The following SLC9A7 variants were observed in gnomAD, a reference collection of about 807,000 sequenced individuals.
The protein encoded by SLC9A7 is sodium/hydrogen exchanger 7.
Under a neutral mutation model 52.6 loss-of-function variants are expected in SLC9A7, and 19 were observed. That is an observed-to-expected ratio of 0.36 (90% CI 0.25 to 0.53). SLC9A7 has a LOEUF of 0.53. Ranked by LOEUF, SLC9A7 falls within the 20% of genes least tolerant of loss-of-function variation. SLC9A7 has a pLI of 0.91. For synonymous variants in SLC9A7, 226 were observed against 252.1 expected, an observed-to-expected ratio of 0.90 and a Z score of 0.98; for missense variants, 455 against 597.9, an observed-to-expected ratio of 0.76 and a Z score of 2.49.
At position 46,604,438 on chromosome X, in the gene SLC9A7, T is replaced by C. The variant is rs1356712476; in HGVS notation, c.*2514A>G. On this transcript the variant is annotated 3_prime_UTR_variant, in exon 17 of 17. Coordinates refer to ENST00000616978, the MANE Select transcript of SLC9A7 (RefSeq NM_001257291.2). ...GAATAAAAATCATTCAACTGTATTT[T>C]TTTTTTTTTTTTGAGGCAGGGTCTC... 2 of 110,519 alleles carry C rather than the reference T, an allele frequency of 1.8e-5. No homozygotes were observed. Among genetic ancestry groups the C allele is most frequent in the Non-Finnish European group, 3.8e-5 (2 of 52,718 alleles). The allele number at this position is 110,519 out of a possible 1,213,427, so 9.1% of individuals were successfully genotyped here. A position where few individuals can be genotyped will look rare whatever the true frequency, so the allele number is the denominator to read the frequency against.
intron 1 of SLC9A7, among the ~76,000 whole-genome samples, chrX:46,714,684 C>T (rs73493093): frequency 0.02 from 2,264 of 112,009 alleles, 52 homozygotes; most frequent in African/African-American, 0.069. Context: ...TGTCAGTGAA[C>T]GAAACAAATA....
chrX:46,689,476 A>G (rs1479218655), intron 1 of SLC9A7, among the ~76,000 whole-genome samples: 5 of 112,087 alleles, frequency 4.5e-5, no homozygotes, highest in Non-Finnish European at 9.4e-5. Context: ...AAGTTTTTAT[A>G]TGAACATGTT....
rs1375008561 is a variant in SLC9A7 at position 46,603,162 on chromosome X, T to C, written c.*3790A>G. On this transcript the variant is annotated 3_prime_UTR_variant, in exon 17 of 17. Transcript: ENST00000616978. ...ACTAGATTCTGGGCCCTCTCTTCCCTGGGTAGGACTTCTGGGTGGGCCTCC... is the reference window on the plus strand; with the variant it reads ...ACTAGATTCTGGGCCCTCTCTTCCCCGGGTAGGACTTCTGGGTGGGCCTCC... 9.0e-6 allele frequency: 1 copy of C among 110,863 alleles called. No individual in the cohort carries two copies. The highest frequency in any genetic ancestry group is 9.6e-5 in the Admixed American group (1 of 10,381). The allele number at this position is 110,863 out of a possible 1,213,427, so 9.1% of individuals were successfully genotyped here.
At chrX:46,611,499 A>G (rs1161814215) in intron 16 of SLC9A7, among the ~76,000 whole-genome samples, 1 of 112,521 alleles carries the variant, frequency 8.9e-6, no homozygotes, top group Non-Finnish European at 1.9e-5. Context: ...TATCTTTAAG[A>G]GAAAGACACA....
At position 46,728,790 on chromosome X, in the gene SLC9A7, A is replaced by G. The variant is rs773862558; in HGVS notation, c.325+29915T>C. 7.1e-5 allele frequency among the ~76,000 whole-genome samples: 8 copies of G among 112,800 alleles called. No individual in the cohort carries two copies. The South Asian group carries it at 2.5e-3, about 36-fold the overall frequency. On this transcript the variant is annotated intron_variant, in intron 1 of 16. Transcript: ENST00000616978. ...AAGTAAACTGTGATATATCCAGACA[A>G]TTGAATATTACTCAGCAATAAGAAA... is the stretch of plus-strand genomic sequence containing the variant.
At chrX:46,607,280 A>G (rs781326356) in intron 16 of SLC9A7, 77 bp from the exon 17 acceptor site, 23 of 1,059,383 alleles carry the variant, frequency 2.2e-5, no homozygotes, top group African/African-American at 1.9e-4. Flanking sequence ...CCCAATCCCA[A>G]TCCCAACTCC....
chrX:46,637,064 T>C (rs932025436), intron 12 of SLC9A7, among the ~76,000 whole-genome samples: 2 of 112,333 alleles, frequency 1.8e-5, no homozygotes, highest in Non-Finnish European at 3.8e-5. Context: ...AATGCTATGA[T>C]TAATACTATT....
chrX:46,662,472 T>C (rs1602197643), intron 6 of SLC9A7, 66 bp downstream of exon 6: 1 of 822,355 alleles, frequency 1.2e-6, no homozygotes, highest in East Asian at 3.2e-5. Flanking sequence ...GATAAGCCTC[T>C]GAATTTAGCC....
At chrX:46,744,787 A>AT (rs1921615573) in intron 1 of SLC9A7, among the ~76,000 whole-genome samples, 1 of 111,940 alleles carries the variant, frequency 8.9e-6, no homozygotes, top group African/African-American at 3.2e-5. Flanking sequence ...GGTAAAGAGC[A>AT]TTAGCAAAAT....
chrX:46,703,964 G>T (rs1944568507), intron 1 of SLC9A7, among the ~76,000 whole-genome samples: 1 of 111,678 alleles, frequency 9.0e-6, no homozygotes, highest in Admixed American at 9.5e-5. Context: ...TGTCACTGTT[G>T]ATCTATTTGC....
At chrX:46,689,907 G>A (rs1944358108) in intron 1 of SLC9A7, among the ~76,000 whole-genome samples, 1 of 111,191 alleles carries the variant, frequency 9.0e-6, no homozygotes, top group Non-Finnish European at 1.9e-5. Context: ...TGCTGAGAAT[G>A]ATGGCTTCCA....
At chrX:46,738,946 A>C (rs1258371288) in intron 1 of SLC9A7, among the ~76,000 whole-genome samples, 1 of 111,203 alleles carries the variant, frequency 9.0e-6, no homozygotes, top group Non-Finnish European at 1.9e-5. Context: ...AATACCTACC[A>C]TTGTGCCTAC....
At chrX:46,648,135 A>G (rs1018828658) in intron 11 of SLC9A7, among the ~76,000 whole-genome samples, 1 of 112,531 alleles carries the variant, frequency 8.9e-6, no homozygotes, top group African/African-American at 3.2e-5. Context: ...AGTGTCAATT[A>G]AGCAGGATGA....
chrX:46,701,590 A>G (rs1944532668), intron 1 of SLC9A7, among the ~76,000 whole-genome samples: 1 of 110,998 alleles, frequency 9.0e-6, no homozygotes. Context: ...CTGTCTCAAA[A>G]ACAAACAAAC....
intron 1 of SLC9A7, among the ~76,000 whole-genome samples, chrX:46,700,931 C>A (rs1944521758): frequency 9.0e-6 from 1 of 111,719 alleles, no homozygotes; most frequent in South Asian, 3.8e-4. Context: ...TCTTCCCACA[C>A]CACCATCAAA....
intron 16 of SLC9A7, among the ~76,000 whole-genome samples, chrX:46,608,951 C>T (rs987023412): frequency 1.8e-5 from 2 of 111,166 alleles, no homozygotes; most frequent in African/African-American, 3.3e-5. Flanking sequence ...CAGCCGGTAG[C>T]TTATGTCTCC....
rs1447492953 is a variant in SLC9A7 at position 46,600,934 on chromosome X, C to T, written c.*6018G>A. ...ATCAGAATGTAGCAGCCGACACTGG[C>T]AATCCAGAGTGTCAGTTAAAGAACA... On this transcript the variant is annotated 3_prime_UTR_variant, in exon 17 of 17. Transcript: ENST00000616978. 3.6e-5 allele frequency: 4 copies of T among 111,760 alleles called. No individual in the cohort carries two copies. Among genetic ancestry groups the T allele is most frequent in the African/African-American group, 1.3e-4 (4 of 30,746 alleles). The allele number at this position is 111,760 out of a possible 1,213,427, so 9.2% of individuals were successfully genotyped here.
At chrX:46,738,049 AAGAAAG>A (rs1341610331) in intron 1 of SLC9A7, among the ~76,000 whole-genome samples, 10 of 43,668 alleles carry the variant, frequency 2.3e-4, no homozygotes, top group East Asian at 1.3e-3. Context: ...GAAAGAAAGA[AAGAAAG>A]AAAGAAAGAA....
intron 10 of SLC9A7, 79 bp from the exon 11 acceptor site, chrX:46,648,876 T>C: frequency 1.4e-6 from 1 of 726,813 alleles, no homozygotes; most frequent in Non-Finnish European, 2.1e-6. Context: ...AGCAGAGAAT[T>C]TTAGGAATGC....
Sources: gnomAD v4.1 joint callset for allele counts (sites outside exome capture counted in the v4.1 genomes callset) on GRCh38, gnomAD v4.1.1 for gene constraint, MANE v1.5 for transcripts, NCBI Gene and HGNC (gene_info 2026-07-23, HGNC 2026-07-21) for gene names.